DAPP1: variants seen among roughly 807,000 people sequenced by gnomAD.
DAPP1 encodes dual adapter for phosphotyrosine and 3-phosphotyrosine and 3-phosphoinositide.
Under a neutral mutation model 41.5 loss-of-function variants are expected in DAPP1, and 20 were observed. That is an observed-to-expected ratio of 0.48 (90% CI 0.34 to 0.70). The LOEUF is 0.70. Among genes scored for constraint, DAPP1 ranks in the 30% least tolerant of loss-of-function variants. The pLI is 0.01. For synonymous variants in DAPP1, 113 were observed against 116.2 expected (o/e 0.97, Z 0.18); for missense variants, 233 against 333.4 (o/e 0.70, Z 2.35).
At chr4:99,861,479 C>A in intron 4 of DAPP1, 99 bp from the exon 5 acceptor site, 1 of 1,285,058 alleles carries the variant, frequency 7.8e-7, no homozygotes, top group South Asian at 1.3e-5. Flanking sequence ...ATTTAAAGAT[C>A]AAAAGCAAAC....
intron 1 of DAPP1, among the ~76,000 whole-genome samples, chr4:99,828,456 A>C (rs1179585289): frequency 6.6e-6 from 1 of 152,232 alleles, no homozygotes; most frequent in Non-Finnish European, 1.5e-5. Context: ...CAATTCAAAA[A>C]ATTTAAAAGC....
At chr4:99,828,939 T>C (rs1050801889) in intron 1 of DAPP1, among the ~76,000 whole-genome samples, 2 of 152,214 alleles carry the variant, frequency 1.3e-5, no homozygotes, top group Admixed American at 6.5e-5. Context: ...TAACATTCTT[T>C]CTAATAGGAG....
At chr4:99,843,796 A>G (rs529103852) in intron 3 of DAPP1, among the ~76,000 whole-genome samples, 1 of 152,302 alleles carries the variant, frequency 6.6e-6, no homozygotes, top group Non-Finnish European at 1.5e-5. Context: ...GAAGAAAGGG[A>G]CTTTTGTCAG....
chr4:99,828,312 C>A (rs55973331), intron 1 of DAPP1, among the ~76,000 whole-genome samples: 41,776 of 152,058 alleles, frequency 0.27, 6,130 homozygotes, highest in African/African-American at 0.38. Flanking sequence ...AAAGAGAAAA[C>A]AATATATTCA....
intron 3 of DAPP1, among the ~76,000 whole-genome samples, chr4:99,842,047 G>A (rs570367395): frequency 2.6e-4 from 40 of 152,352 alleles, no homozygotes; most frequent in African/African-American, 7.2e-4. Context: ...TAAGATCAAA[G>A]TGAAGGCAGT....
At position 99,816,843 on chromosome 4, in the gene DAPP1, G is replaced by C. The variant is rs1578335105; in HGVS notation, c.-71G>C. Reference sequence around the variant, plus strand: ...AGACTCAGAGCCATAGCAGGCTGCTGTCTCACAGAGCGAGAAGGTGTCAGG... The same window carrying C: ...AGACTCAGAGCCATAGCAGGCTGCTCTCTCACAGAGCGAGAAGGTGTCAGG... On this transcript the variant is annotated 5_prime_UTR_variant, in exon 1 of 9. Transcript: ENST00000512369. 2 of 1,342,992 alleles carry C rather than the reference G, an allele frequency of 1.5e-6. No individual in the cohort carries two copies. Among genetic ancestry groups the C allele is most frequent in the Non-Finnish European group, 2.1e-6 (2 of 971,064 alleles). 83.2% of individuals were successfully genotyped at this position (1,342,992 alleles called of 1,614,324 possible).
At chr4:99,817,399 A>T (rs576967944) in intron 1 of DAPP1, among the ~76,000 whole-genome samples, 1 of 152,326 alleles carries the variant, frequency 6.6e-6, no homozygotes, top group South Asian at 2.1e-4. Flanking sequence ...CAGGGACAGT[A>T]AAAGGACTGT....
intron 7 of DAPP1, among the ~76,000 whole-genome samples, chr4:99,864,534 T>C (rs931871977): frequency 1.3e-5 from 2 of 152,186 alleles, no homozygotes; most frequent in African/African-American, 4.8e-5. Flanking sequence ...AGGACTACAG[T>C]ATCATTATTA....
At chr4:99,827,088 A>G (rs1722958831) in intron 1 of DAPP1, among the ~76,000 whole-genome samples, 1 of 152,120 alleles carries the variant, frequency 6.6e-6, no homozygotes, top group African/African-American at 2.4e-5. Context: ...TCCTTCCCAT[A>G]CATGCTCCTC....
chr4:99,860,099 A>T (rs576381587), intron 4 of DAPP1, among the ~76,000 whole-genome samples: 2 of 152,392 alleles, frequency 1.3e-5, no homozygotes, highest in Non-Finnish European at 2.9e-5. Context: ...GGGGGCTCTT[A>T]TAAACAGCTT....
chr4:99,855,675 G>T (rs761050616), intron 4 of DAPP1, among the ~76,000 whole-genome samples: 2 of 152,170 alleles, frequency 1.3e-5, no homozygotes, highest in Non-Finnish European at 2.9e-5. Context: ...CTTCTCATTG[G>T]GGAATCATTG....
intron 3 of DAPP1, among the ~76,000 whole-genome samples, chr4:99,849,968 G>T (rs1456964151): frequency 1.3e-5 from 2 of 152,236 alleles, no homozygotes; most frequent in African/African-American, 4.8e-5. Context: ...GCAAAGGAAT[G>T]AATCCTCCCT....
At position 99,868,325 on chromosome 4, in the gene DAPP1, C is replaced by T; in HGVS notation, c.*140C>T. On this transcript the variant is annotated 3_prime_UTR_variant, in exon 9 of 9. Coordinates refer to ENST00000512369, the MANE Select transcript of DAPP1 (RefSeq NM_014395.3). Reference sequence around the variant, plus strand: ...AATCAGAAGCAGATGCTGATTGGGACCCATATACCACGTTGCTGACTCACG... The same window carrying T: ...AATCAGAAGCAGATGCTGATTGGGATCCATATACCACGTTGCTGACTCACG... 9.5e-6 allele frequency: 7 copies of T among 733,986 alleles called. No homozygotes were observed. Among genetic ancestry groups the T allele is most frequent in the Non-Finnish European group, 1.6e-5 (7 of 434,484 alleles). 45.5% of individuals were successfully genotyped at this position (733,986 alleles called of 1,614,324 possible).
In DAPP1 at chr4:99,863,760, TTTTA is replaced by T; in HGVS notation, c.601-5_601-2del. 2 of 1,538,650 alleles carry T rather than the reference TTTTA, an allele frequency of 1.3e-6. No homozygotes were observed. The highest frequency in any genetic ancestry group is 8.8e-7 in the Non-Finnish European group (1 of 1,136,434). ...TAATGGTGACATACGTTGCTTTTTA[TTTTA>T]TTTAGTCACCAGAACCAATTCGGAT... On this transcript the variant is annotated splice_region_variant and splice_polypyrimidine_tract_variant and intron_variant, in intron 6 of 8. Transcript: ENST00000512369.
chr4:99,827,545 AC>A lies in DAPP1; in HGVS notation c.102-8077del, dbSNP rs1443981090. On this transcript the variant is annotated intron_variant, in intron 1 of 8. Coordinates refer to ENST00000512369, the MANE Select transcript of DAPP1 (RefSeq NM_014395.3). ...CAGACTACGTCTCAAAAAAAAAACA[AC>A]AAAAAAACAAAACAAAAAACACCAT... Among the ~76,000 whole-genome samples, 87 of 118,544 alleles carry A rather than the reference AC, an allele frequency of 7.3e-4. 2 individuals carry two copies. Among genetic ancestry groups the A allele is most frequent in the African/African-American group, 2.4e-3 (58 of 24,324 alleles). The allele number at this position is 118,544 out of a possible 152,430, so 77.8% of individuals were successfully genotyped here.
At chr4:99,856,048 G>A (rs1323846105) in intron 4 of DAPP1, among the ~76,000 whole-genome samples, 1 of 152,124 alleles carries the variant, frequency 6.6e-6, no homozygotes, top group African/African-American at 2.4e-5. Flanking sequence ...ACATAGCATT[G>A]AGTTCCCATG....
intron 1 of DAPP1, among the ~76,000 whole-genome samples, chr4:99,832,853 G>A (rs1279564711): frequency 2.0e-5 from 3 of 150,238 alleles, no homozygotes; most frequent in Non-Finnish European, 3.0e-5. Context: ...TTGGAATTTT[G>A]CGAATCAAAT....
chr4:99,861,783 C>T (rs1724247559), intron 5 of DAPP1, among the ~76,000 whole-genome samples, 158 bp downstream of exon 5: 1 of 152,172 alleles, frequency 6.6e-6, no homozygotes. Flanking sequence ...ATTTTTATGG[C>T]TCATTAGTCA....
At chr4:99,866,756 C>CT (rs1020648728) in intron 8 of DAPP1, 4 of 456,400 alleles carry the variant, frequency 8.8e-6, no homozygotes, top group African/African-American at 4.4e-5. Context: ...TTGATGATTT[C>CT]TTTTTTTCTA....
Sources: allele counts gnomAD v4.1 joint callset (sites outside exome capture counted in the v4.1 genomes callset), GRCh38; gene constraint gnomAD v4.1.1; transcripts MANE v1.5; gene names NCBI Gene and HGNC (gene_info 2026-07-23, HGNC 2026-07-21).